The following PPP2R2C variants were observed in gnomAD, a reference collection of about 807,000 sequenced individuals.
PPP2R2C encodes protein phosphatase 2 regulatory subunit Bgamma.
Under a neutral mutation model 45.3 loss-of-function variants are expected in PPP2R2C, and 10 were observed. That is an observed-to-expected ratio of 0.22 (90% CI 0.14 to 0.37). The LOEUF is 0.37. PPP2R2C is among the 10% of genes least tolerant of loss of function. PPP2R2C has a pLI of 1.00. For synonymous variants in PPP2R2C, 257 were observed against 245.4 expected (o/e 1.05, Z -0.44); for missense variants, 308 against 619.7 (o/e 0.50, Z 5.34).
chr4:6,522,389 G>A (rs1170163127), intron 2 of PPP2R2C, among the ~76,000 whole-genome samples: 1 of 152,200 alleles, frequency 6.6e-6, no homozygotes, highest in African/African-American at 2.4e-5. Flanking sequence ...TGAGGCTGGC[G>A]AGGTCCACAA....
intron 2 of PPP2R2C, among the ~76,000 whole-genome samples, chr4:6,499,647 AT>A (rs963390024): frequency 6.6e-6 from 1 of 151,374 alleles, no homozygotes; most frequent in Non-Finnish European, 1.5e-5. Context: ...GGAGGAGATG[AT>A]TTTTTTTGTC....
At chr4:6,403,413 A>T (rs1304894777) in intron 1 of PPP2R2C, among the ~76,000 whole-genome samples, 3 of 152,314 alleles carry the variant, frequency 2.0e-5, no homozygotes, top group Non-Finnish European at 1.5e-5. Flanking sequence ...AAAGAAAAAG[A>T]AACCGAAATC....
At chr4:6,542,952 A>T (rs1724853843) in intron 1 of PPP2R2C, among the ~76,000 whole-genome samples, 1 of 152,214 alleles carries the variant, frequency 6.6e-6, no homozygotes, top group South Asian at 2.1e-4. Context: ...CAATTTTTGG[A>T]AGACAACCCA....
chr4:6,405,763 C>G (rs1343393498), intron 1 of PPP2R2C, among the ~76,000 whole-genome samples: 2 of 152,130 alleles, frequency 1.3e-5, no homozygotes, highest in African/African-American at 4.8e-5. Flanking sequence ...TTAGTGCCAT[C>G]TTGATGATCA....
chr4:6,484,269 A>C (rs1046106618), intron 2 of PPP2R2C, among the ~76,000 whole-genome samples: 1 of 152,028 alleles, frequency 6.6e-6, no homozygotes, highest in Non-Finnish European at 1.5e-5. Context: ...GTCTCTATTC[A>C]AAATCAGCTA....
intron 1 of PPP2R2C, chr4:6,413,889 C>T (rs1029059362): frequency 3.3e-6 from 5 of 1,535,996 alleles, no homozygotes; most frequent in African/African-American, 1.4e-5. Context: ...TGATGCCCCA[C>T]AGCCCCTGCT....
chr4:6,437,121 T>C (rs767318555), intron 1 of PPP2R2C, among the ~76,000 whole-genome samples: 2 of 152,260 alleles, frequency 1.3e-5, no homozygotes, highest in Non-Finnish European at 2.9e-5. Context: ...ATGGTTGGAC[T>C]GTTACTTTGC....
At chr4:6,461,390 G>C (rs1195020997) in intron 1 of PPP2R2C, among the ~76,000 whole-genome samples, 1 of 152,190 alleles carries the variant, frequency 6.6e-6, no homozygotes, top group Non-Finnish European at 1.5e-5. Flanking sequence ...TAGCCACTGG[G>C]CTGCCCAGCC....
chr4:6,384,517 T>C (rs1716085223), intron 1 of PPP2R2C: 3 of 975,604 alleles, frequency 3.1e-6, no homozygotes, highest in Admixed American at 6.2e-5. Flanking sequence ...GTACAATCAA[T>C]ATATAAAACG....
chr4:6,486,980 C>G (rs558109698), intron 2 of PPP2R2C, among the ~76,000 whole-genome samples: 1 of 152,124 alleles, frequency 6.6e-6, no homozygotes, highest in South Asian at 2.1e-4. Flanking sequence ...TCCATTCTAT[C>G]TACTTTCTGG....
At chr4:6,485,935 G>T (rs1411700489) in intron 2 of PPP2R2C, among the ~76,000 whole-genome samples, 1 of 151,636 alleles carries the variant, frequency 6.6e-6, no homozygotes, top group Admixed American at 6.6e-5. Context: ...CTTACTTTGG[G>T]TTTAATTTGC....
intron 1 of PPP2R2C, among the ~76,000 whole-genome samples, chr4:6,403,180 C>T (rs943567248): frequency 2.0e-5 from 3 of 152,198 alleles, no homozygotes; most frequent in Non-Finnish European, 2.9e-5. Context: ...TGCCGCTGGC[C>T]GGGCTGTCGC....
rs1044522990 is a variant in PPP2R2C at position 6,332,126 on chromosome 4, G to A, written c.960+1436C>T. Among the ~76,000 whole-genome samples, 7 of 152,138 alleles carry A rather than the reference G, an allele frequency of 4.6e-5. No homozygotes were observed. Among genetic ancestry groups the A allele is most frequent in the African/African-American group, 7.2e-5 (3 of 41,414 alleles). ...AAAATGCTCATAGAACACATTCCAC[G>A]TAGTTTCAGGGGTTCATGGGCCTTT... On this transcript the variant is annotated intron_variant, in intron 7 of 8. Coordinates refer to ENST00000382599, the MANE Select transcript of PPP2R2C (RefSeq NM_020416.4). This position sits in a 1 kb window ranked among gnomAD's most constrained non-coding sequence, Gnocchi z 4.9.
intron 1 of PPP2R2C, among the ~76,000 whole-genome samples, chr4:6,410,853 ATTTATT>A (rs901495136): frequency 7.1e-6 from 1 of 140,746 alleles, no homozygotes; most frequent in African/African-American, 3.0e-5. Context: ...TTATTTATTT[ATTTATT>A]TATTTATTTA....
In PPP2R2C at chr4:6,328,618, G is replaced by A. The variant is rs1345767844; in HGVS notation, c.1052+644C>T. On this transcript the variant is annotated intron_variant, in intron 8 of 8. Transcript: ENST00000382599. The surrounding 1 kb of genome is among the most constrained non-coding windows in gnomAD (Gnocchi z 4.4). ...CAGGAGCCCCTGCCACAGCCCCCTT[G>A]TCCATGCCCGCCCTGGGCTGAGCCC... Among the ~76,000 whole-genome samples, 2 of 152,334 alleles carry A rather than the reference G, an allele frequency of 1.3e-5. No homozygotes were observed. The highest frequency in any genetic ancestry group is 3.9e-4 in the East Asian group (2 of 5,178).
chr4:6,513,948 A>G (rs1186310035), intron 2 of PPP2R2C, among the ~76,000 whole-genome samples: 1 of 152,254 alleles, frequency 6.6e-6, no homozygotes, highest in Non-Finnish European at 1.5e-5. Flanking sequence ...TGGTGGAAAT[A>G]AATTAAATCA....
intron 1 of PPP2R2C, among the ~76,000 whole-genome samples, chr4:6,542,561 G>A (rs1307774308): frequency 6.6e-6 from 1 of 151,934 alleles, no homozygotes; most frequent in African/African-American, 2.4e-5. Context: ...CAGGCATGGT[G>A]GCATGGTGGC....
At chr4:6,479,911 A>G (rs959188410) in intron 2 of PPP2R2C, among the ~76,000 whole-genome samples, 1 of 151,958 alleles carries the variant, frequency 6.6e-6, no homozygotes, top group African/African-American at 2.4e-5. Context: ...GGGTCTCACT[A>G]TGTTGCCCAG....
chr4:6,324,615 G>A lies in PPP2R2C; in HGVS notation c.1053-1022C>T, dbSNP rs975255684. Among the ~76,000 whole-genome samples the A allele has an allele frequency of 2.6e-5, 4 of 152,296 alleles. No homozygotes were observed. In the East Asian group the frequency reaches 7.7e-4, roughly 29 times the overall value. ...GCCCGCCTGTCCCGAGGACTCGGGC[G>A]AATAAACAAACATGCATCGCCATGA... On this transcript the variant is annotated intron_variant, in intron 8 of 8. Transcript: ENST00000382599. This position sits in a 1 kb window ranked among gnomAD's most constrained non-coding sequence, Gnocchi z 4.1.
Sources: gnomAD v4.1 joint callset for allele counts (sites outside exome capture counted in the v4.1 genomes callset) on GRCh38, gnomAD v4.1.1 for gene constraint, Gnocchi (gnomAD v3.1) non-coding constraint, MANE v1.5 for transcripts, NCBI Gene and HGNC (gene_info 2026-07-23, HGNC 2026-07-21) for gene names.